The following FCHSD1 variants were observed in gnomAD, a reference collection of about 807,000 sequenced individuals.
FCHSD1 encodes FCH and double SH3 domains 1, also known as F-BAR and double SH3 domains protein 1.
In FCHSD1, 109 loss-of-function variants were observed where a neutral mutation model predicts 101.3. The observed-to-expected ratio is 1.08, with a 90% CI of 0.92 to 1.26. FCHSD1 has a LOEUF of 1.26. FCHSD1 is among the 50% of genes most tolerant of loss of function. The probability of loss-of-function intolerance (pLI) is 0.00; values close to 1 mark genes in which losing one functional copy is unlikely to be tolerated. For synonymous variants in FCHSD1, 291 were observed against 356.8 expected, an observed-to-expected ratio of 0.82 and a Z score of 2.08; for missense variants, 820 against 895.8, an observed-to-expected ratio of 0.92 and a Z score of 1.08.
rs1316286070 is a variant in FCHSD1 at position 141,640,454 on chromosome 5, G to A, written c.*1044C>T. 3 of 1,614,130 alleles carry A rather than the reference G, an allele frequency of 1.9e-6. No individual in the cohort carries two copies. Among genetic ancestry groups the A allele is most frequent in the South Asian group, 2.2e-5 (2 of 91,088 alleles). ...AGCAGGGAGTATGTGAGGTGAGTCT[G>A]CCTGAGCCCTAAATGAGGTAATCTC... On this transcript the variant is annotated 3_prime_UTR_variant, in exon 20 of 20. Transcript: ENST00000435817.
chr5:141,644,749 C>G (rs1379536952), intron 15 of FCHSD1, 59 bp from the exon 16 acceptor site: 1 of 1,607,674 alleles, frequency 6.2e-7, no homozygotes, highest in Admixed American at 1.7e-5. Context: ...ATGACCCTGG[C>G]TCTCTTCTAC....
intron 18 of FCHSD1, 177 bp from the exon 19 acceptor site, chr5:141,641,934 A>G: frequency 1.5e-6 from 1 of 682,408 alleles, no homozygotes; most frequent in South Asian, 1.8e-5. Context: ...CTGCTGTATA[A>G]TCAGCTCTGC....
intron 17 of FCHSD1, among the ~76,000 whole-genome samples, chr5:141,643,377 G>A (rs2099907215): frequency 6.6e-6 from 1 of 152,200 alleles, no homozygotes; most frequent in African/African-American, 2.4e-5. Context: ...TGACTCCTAT[G>A]TTAGAAGTGA....
intron 16 of FCHSD1, 36 bp from the exon 17 acceptor site, chr5:141,644,474 G>A: frequency 1.2e-6 from 2 of 1,608,906 alleles, no homozygotes; most frequent in Non-Finnish European, 1.7e-6. Flanking sequence ...AGAGGGAGGT[G>A]GGTAGCAGTG....
intron 17 of FCHSD1, among the ~76,000 whole-genome samples, chr5:141,643,922 T>C (rs1038048777): frequency 1.3e-5 from 2 of 151,878 alleles, no homozygotes; most frequent in African/African-American, 2.4e-5. Flanking sequence ...AAGTAGGTAT[T>C]ATCCCCATTT....
chr5:141,644,875 G>C lies in FCHSD1; in HGVS notation c.1508C>G (p.Ala503Gly). ...CATACCCACCTTGACCCATTCGTCAGCATCTCCCTCCTCTATGACCTCCAG... is the reference window on the plus strand; with the variant it reads ...CATACCCACCTTGACCCATTCGTCACCATCTCCCTCCTCTATGACCTCCAG... ...EWLEVIEEGDADEWVKARNQH... is the reference protein window; with the variant it reads ...EWLEVIEEGDGDEWVKARNQH... Residue 503 changes from alanine to glycine, a missense_variant, in exon 15 of 20, where the codon GCT becomes GGT. Coordinates refer to ENST00000435817, the MANE Select transcript of FCHSD1 (RefSeq NM_033449.3). 4.3e-6 allele frequency: 7 copies of C among 1,613,724 alleles called. No individual in the cohort carries two copies. Among genetic ancestry groups the C allele is most frequent in the Non-Finnish European group, 5.9e-6 (7 of 1,179,830 alleles).
intron 10 of FCHSD1, 58 bp from the exon 11 acceptor site, chr5:141,646,780 CCCT>C: frequency 6.3e-7 from 1 of 1,578,052 alleles, no homozygotes; most frequent in Non-Finnish European, 8.6e-7. Context: ...CTCTCCAGTT[CCCT>C]CCTTTTTCCA....
chr5:141,646,502 C>T (rs1237790513), intron 11 of FCHSD1, 101 bp downstream of exon 11: 6 of 1,484,106 alleles, frequency 4.0e-6, no homozygotes, highest in Middle Eastern at 2.4e-4. Context: ...TCCCTCCCCT[C>T]TGTAGCTCCA....
intron 19 of FCHSD1, 62 bp from the exon 20 acceptor site, chr5:141,641,625 C>G: frequency 6.2e-7 from 1 of 1,607,420 alleles, no homozygotes; most frequent in Non-Finnish European, 8.5e-7. Context: ...TGTCTATTCC[C>G]TCAGCCCTGC....
At chr5:141,643,223 G>GGGGGGA in intron 17 of FCHSD1, 135 bp from the exon 18 acceptor site, 1 of 601,750 alleles carries the variant, frequency 1.7e-6, no homozygotes. Context: ...ATTCGGTGGG[G>GGGGGGA]GGGTGTAGCT....
chr5:141,640,535 A>T lies in FCHSD1; in HGVS notation c.*963T>A. 1 of 1,598,722 alleles carries T rather than the reference A, an allele frequency of 6.3e-7. No individual in the cohort carries two copies. Among genetic ancestry groups the T allele is most frequent in the South Asian group, 1.1e-5 (1 of 89,448 alleles). Reference sequence around the variant, plus strand: ...GCCTTTCGGCTCCCTGAACCCCCCGAGTAAACTGCAGGCTTAGCCTTTGCT... The same window carrying T: ...GCCTTTCGGCTCCCTGAACCCCCCGTGTAAACTGCAGGCTTAGCCTTTGCT... On this transcript the variant is annotated 3_prime_UTR_variant, in exon 20 of 20. Coordinates refer to ENST00000435817, the MANE Select transcript of FCHSD1 (RefSeq NM_033449.3).
At chr5:141,645,664 A>G (rs1044000008) in intron 13 of FCHSD1, 107 bp downstream of exon 13, 2 of 1,321,760 alleles carry the variant, frequency 1.5e-6, no homozygotes, top group Non-Finnish European at 2.0e-6. Flanking sequence ...GCCTCGTAAT[A>G]ACCCTTTGAG....
chr5:141,650,765 G>A (rs2099908277), intron 2 of FCHSD1, among the ~76,000 whole-genome samples: 1 of 151,806 alleles, frequency 6.6e-6, no homozygotes, highest in Non-Finnish European at 1.5e-5. Flanking sequence ...TGTGGGGTTG[G>A]GGGCAGTGGT....
chr5:141,645,648 A>T, intron 13 of FCHSD1, 123 bp downstream of exon 13: 1 of 1,186,486 alleles, frequency 8.4e-7, no homozygotes, highest in Non-Finnish European at 1.2e-6. Context: ...TGATGATTTC[A>T]CTTAAGCCTC....
intron 7 of FCHSD1, among the ~76,000 whole-genome samples, chr5:141,648,575 T>C (rs937485109): frequency 6.6e-6 from 1 of 152,208 alleles, no homozygotes; most frequent in African/African-American, 2.4e-5. Context: ...ACCCCCTTGT[T>C]ATTCTTTATC....
chr5:141,640,828 G>C lies in FCHSD1; in HGVS notation c.*670C>G. 2.9e-6 allele frequency: 2 copies of C among 680,960 alleles called. No homozygotes were observed. Among genetic ancestry groups the C allele is most frequent in the South Asian group, 3.9e-5 (2 of 51,006 alleles). The allele number at this position is 680,960 out of a possible 1,614,324, so 42.2% of individuals were successfully genotyped here. Reference sequence around the variant, plus strand: ...GTCTCAGGCTGGGGGCCTCAGGAGAGGTCACAGCCCCTCAGTCTCTTCTCC... The same window carrying C: ...GTCTCAGGCTGGGGGCCTCAGGAGACGTCACAGCCCCTCAGTCTCTTCTCC... On this transcript the variant is annotated 3_prime_UTR_variant, in exon 20 of 20. Coordinates refer to ENST00000435817, the MANE Select transcript of FCHSD1 (RefSeq NM_033449.3).
Position 141,641,765 on chromosome 5 carries a change from TAAG to T in FCHSD1, c.1952-11_1952-9del. The T allele has an allele frequency of 1.2e-6, 2 of 1,613,980 alleles. No individual in the cohort carries two copies. Among genetic ancestry groups the T allele is most frequent in the Middle Eastern group, 1.7e-4 (1 of 6,060 alleles). Reference sequence around the variant, plus strand: ...GGAAGTCCAGGGCTTTGTCTGGAAATAAGAACCACAAGTCAGTCTTCAGACTTT... The same window carrying T: ...GGAAGTCCAGGGCTTTGTCTGGAAATAACCACAAGTCAGTCTTCAGACTTT... On this transcript the variant is annotated splice_polypyrimidine_tract_variant and intron_variant, in intron 18 of 19. Coordinates refer to ENST00000435817, the MANE Select transcript of FCHSD1 (RefSeq NM_033449.3).
intron 8 of FCHSD1, 91 bp from the exon 9 acceptor site, chr5:141,647,611 G>A (rs2099907816): frequency 1.3e-6 from 2 of 1,562,626 alleles, no homozygotes; most frequent in South Asian, 2.4e-5. Flanking sequence ...TGATGGGCAT[G>A]AGGTATAGGA....
At chr5:141,644,508 G>A (rs192828716) in intron 16 of FCHSD1, 65 bp downstream of exon 16, 9 of 1,607,688 alleles carry the variant, frequency 5.6e-6, no homozygotes, top group South Asian at 1.1e-5. Flanking sequence ...ACACCCCAGG[G>A]CTACAACCCC....
Sources: gnomAD v4.1 joint callset for allele counts (sites outside exome capture counted in the v4.1 genomes callset) on GRCh38, gnomAD v4.1.1 for gene constraint, MANE v1.5 for transcripts, NCBI Gene and HGNC (gene_info 2026-07-23, HGNC 2026-07-21) for gene names.